Variants in HYCC1 observed in about 807,000 individuals in gnomAD.
HYCC1 encodes the protein hyccin PI4KA lipid kinase complex subunit 1.
the HYCC1 span, among the ~76,000 whole-genome samples, chr7:23,008,098 T>C: frequency 6.6e-6 from 1 of 152,106 alleles, no homozygotes; most frequent in Non-Finnish European, 1.5e-5. Context: ...GATTAAGTGT[T>C]AGCAAGAAGA....
At chr7:22,980,588 G>GAACATTTAAAGA in the HYCC1 span, among the ~76,000 whole-genome samples, 2 of 152,150 alleles carry the variant, frequency 1.3e-5, no homozygotes, top group Non-Finnish European at 2.9e-5. Context: ...GTTCTTTAAT[G>GAACATTTAAAGA]ACTAAGCAGG....
the HYCC1 span, among the ~76,000 whole-genome samples, chr7:23,010,215 C>T: frequency 2.7e-4 from 41 of 152,104 alleles, no homozygotes; most frequent in Non-Finnish European, 1.5e-5. Flanking sequence ...AGAGATGTTG[C>T]TTCCAGGAAT....
At chr7:22,897,918 GCCA>G in the HYCC1 span, among the ~76,000 whole-genome samples, 5 of 152,028 alleles carry the variant, frequency 3.3e-5, no homozygotes, top group African/African-American at 1.2e-4. Flanking sequence ...ACAGGTCTGA[GCCA>G]CCACACCTGG....
the HYCC1 span, chr7:22,941,700 A>C: frequency 1.3e-5 from 2 of 152,180 alleles, no homozygotes; most frequent in Admixed American, 1.3e-4. Context: ...CACAAGTTAC[A>C]AAGTATAGAA....
chr7:22,969,599 T>C, the HYCC1 span, among the ~76,000 whole-genome samples: 1 of 151,588 alleles, frequency 6.6e-6, no homozygotes, highest in Non-Finnish European at 1.5e-5. Flanking sequence ...TCTCAGCTCA[T>C]TGCAACCTCC....
chr7:22,922,231 A>G, the HYCC1 span, among the ~76,000 whole-genome samples: 1 of 152,174 alleles, frequency 6.6e-6, no homozygotes, highest in African/African-American at 2.4e-5. Context: ...TATGAATAAT[A>G]TTAAGTGCAA....
chr7:22,898,513 AT>A, the HYCC1 span, among the ~76,000 whole-genome samples: 3 of 148,234 alleles, frequency 2.0e-5, no homozygotes, highest in Non-Finnish European at 4.5e-5. Context: ...TGCCTGGCCA[AT>A]TTTTGCATTT....
the HYCC1 span, among the ~76,000 whole-genome samples, chr7:22,973,843 G>A: frequency 1.3e-5 from 2 of 152,094 alleles, no homozygotes; most frequent in East Asian, 1.9e-4. Context: ...AATGTACTAC[G>A]TTAGAGTTAG....
the HYCC1 span, among the ~76,000 whole-genome samples, chr7:22,926,901 C>T: frequency 6.6e-6 from 1 of 151,266 alleles, no homozygotes; most frequent in East Asian, 2.0e-4. Flanking sequence ...CACCACACCA[C>T]ACCTACTCCA....
At chr7:22,922,002 A>G in the HYCC1 span, among the ~76,000 whole-genome samples, 106 of 152,310 alleles carry the variant, frequency 7.0e-4, no homozygotes, top group African/African-American at 2.5e-3. Flanking sequence ...TCATTAAATG[A>G]GTTTGAAAAT....
chr7:22,971,902 G>C, the HYCC1 span, among the ~76,000 whole-genome samples: 1 of 152,222 alleles, frequency 6.6e-6, no homozygotes, highest in African/African-American at 2.4e-5. Context: ...CACGTAGTTG[G>C]AGGAAAGATT....
the HYCC1 span, among the ~76,000 whole-genome samples, chr7:22,905,560 A>G: frequency 6.6e-6 from 1 of 151,894 alleles, no homozygotes; most frequent in African/African-American, 2.4e-5. Context: ...CCATGTCACC[A>G]TCTTTACTTA....
the HYCC1 span, chr7:22,991,189 G>A: frequency 6.6e-6 from 8 of 1,219,106 alleles, no homozygotes; most frequent in Non-Finnish European, 7.3e-6. Context: ...ATTTTATTTA[G>A]TCAGATTACT....
At chr7:22,965,794 A>T in the HYCC1 span, among the ~76,000 whole-genome samples, 4 of 151,206 alleles carry the variant, frequency 2.6e-5, no homozygotes, top group African/African-American at 7.3e-5. Context: ...TTAAAACAAA[A>T]TTTTTTTTTG....
chr7:23,006,339 T>C, the HYCC1 span, among the ~76,000 whole-genome samples: 1 of 152,072 alleles, frequency 6.6e-6, no homozygotes, highest in Non-Finnish European at 1.5e-5. Context: ...CAATCTTGGC[T>C]CACTGCAAGC....
chr7:22,947,023 T>C, the HYCC1 span: 2 of 1,549,992 alleles, frequency 1.3e-6, no homozygotes, highest in Non-Finnish European at 8.7e-7. Context: ...TCCTCCATCA[T>C]TTTTCTTACA....
chr7:22,951,952 T>A, the HYCC1 span, among the ~76,000 whole-genome samples: 3 of 151,992 alleles, frequency 2.0e-5, no homozygotes, highest in African/African-American at 7.2e-5. Flanking sequence ...CCTAATCTAG[T>A]TTACTATCAT....
At chr7:22,904,250 T>C in the HYCC1 span, among the ~76,000 whole-genome samples, 2 of 151,906 alleles carry the variant, frequency 1.3e-5, no homozygotes, top group East Asian at 3.9e-4. Flanking sequence ...GCTAACACAG[T>C]GAAACCCCAT....
the HYCC1 span, among the ~76,000 whole-genome samples, chr7:22,930,387 G>GAAAAAAAAAAAAAAAAAAAAA: frequency 1.0e-5 from 1 of 98,776 alleles, no homozygotes; most frequent in Non-Finnish European, 2.2e-5. Flanking sequence ...AAAAGAAAAA[G>GAAAAAAAAAAAAAAAAAAAAA]AAAAAGAAAA....
Sources: gnomAD v4.1 joint callset for allele counts (sites outside exome capture counted in the v4.1 genomes callset) on GRCh38, gnomAD v4.1.1 for gene constraint, MANE v1.5 for transcripts, NCBI Gene and HGNC (gene_info 2026-07-23, HGNC 2026-07-21) for gene names.